The following METTL25 variants were observed in gnomAD, a reference collection of about 807,000 sequenced individuals.
The protein encoded by METTL25 is probable methyltransferase-like protein 25.
Under a neutral mutation model 71.6 loss-of-function variants are expected in METTL25, and 64 were observed. The observed-to-expected ratio is 0.89, with a 90% CI of 0.73 to 1.10. The LOEUF (loss-of-function observed/expected upper bound fraction) is 1.10. METTL25 is among the 50% of genes least tolerant of loss of function. The pLI is 0.00. For missense variants in METTL25, 807 were observed against 707.0 expected, an observed-to-expected ratio of 1.14 and a Z score of -1.60; for synonymous variants, 287 against 250.3, an observed-to-expected ratio of 1.15 and a Z score of -1.38.
Position 82,434,733 on chromosome 12 carries a change from G to C in METTL25, c.1404+9G>C. On this transcript the variant is annotated intron_variant, in intron 7 of 11. Coordinates refer to ENST00000248306, the MANE Select transcript of METTL25 (RefSeq NM_032230.3). The stretch of plus-strand genomic sequence containing the variant: ...TTGCAGCTGGCCAAGGGGTAAGTAA[G>C]AGTGTTAACTGATGAACACGACAGT... The C allele has an allele frequency of 6.2e-7, 1 of 1,608,494 alleles. No homozygotes were observed. Among genetic ancestry groups the C allele is most frequent in the African/African-American group, 1.3e-5 (1 of 74,658 alleles).
At chr12:82,470,010 A>T (rs1487886468) in intron 9 of METTL25, among the ~76,000 whole-genome samples, 2 of 152,156 alleles carry the variant, frequency 1.3e-5, no homozygotes, top group East Asian at 1.9e-4. Flanking sequence ...CTCCAACATG[A>T]ACGCTTTAGA....
intron 1 of METTL25, among the ~76,000 whole-genome samples, chr12:82,365,364 A>G (rs1304742022): frequency 6.6e-6 from 1 of 152,230 alleles, no homozygotes; most frequent in Non-Finnish European, 1.5e-5. Flanking sequence ...GGGAATTTGG[A>G]CATAAAATCA....
chr12:82,445,390 A>C (rs1482405518), intron 8 of METTL25, among the ~76,000 whole-genome samples: 1 of 152,078 alleles, frequency 6.6e-6, no homozygotes, highest in Non-Finnish European at 1.5e-5. Flanking sequence ...ATGAAATATT[A>C]AATTATAACC....
chr12:82,387,337 TG>T (rs1484439370), intron 2 of METTL25, among the ~76,000 whole-genome samples: 2 of 151,726 alleles, frequency 1.3e-5, no homozygotes, highest in African/African-American at 4.8e-5. Context: ...AGGGGACATT[TG>T]GGGATGTGGG....
chr12:82,378,532 T>C (rs1884112776), intron 1 of METTL25, among the ~76,000 whole-genome samples: 1 of 152,210 alleles, frequency 6.6e-6, no homozygotes, highest in Non-Finnish European at 1.5e-5. Context: ...TTTGTGTTAA[T>C]GTTGAAAGGG....
At chr12:82,413,862 A>C (rs1887748271) in intron 5 of METTL25, among the ~76,000 whole-genome samples, 1 of 151,870 alleles carries the variant, frequency 6.6e-6, no homozygotes, top group Admixed American at 6.6e-5. Flanking sequence ...GATAATAAGA[A>C]ATTTTTGAAA....
chr12:82,421,996 G>A (rs1888552822), intron 5 of METTL25, among the ~76,000 whole-genome samples: 1 of 152,148 alleles, frequency 6.6e-6, no homozygotes, highest in Non-Finnish European at 1.5e-5. Flanking sequence ...CATTCCTTCT[G>A]AAACTATTCC....
chr12:82,446,348 T>G (rs536620836), intron 8 of METTL25, among the ~76,000 whole-genome samples: 10 of 152,290 alleles, frequency 6.6e-5, no homozygotes, highest in Middle Eastern at 3.4e-3. Context: ...ACAGGACATT[T>G]CATCCAATTG....
intron 5 of METTL25, among the ~76,000 whole-genome samples, chr12:82,418,833 CT>C (rs1252075520): frequency 6.6e-6 from 1 of 152,020 alleles, no homozygotes; most frequent in Non-Finnish European, 1.5e-5. Flanking sequence ...GTCACTGACA[CT>C]TTTTGTGGAA....
chr12:82,434,720 A>G lies in METTL25; in HGVS notation c.1400A>G (p.Gln467Arg), dbSNP rs1889789127. ...GCATTGGAGCGGGTTGCAGCTGGCC[A>G]AGGGGTAAGTAAGAGTGTTAACTGA... Reference protein sequence around the residue: ...CLALERVAAGQGLPTESLFYR... With the variant: ...CLALERVAAGRGLPTESLFYR... Residue 467 changes from glutamine (Q) to arginine (R), a missense_variant, in exon 7 of 12, where the codon CAA becomes CGA. Physicochemically the swap from Gln to Arg is conservative, Grantham distance 43 (BLOSUM62 1). Transcript: ENST00000248306. 1.2e-6 allele frequency: 2 copies of G among 1,609,360 alleles called. No individual in the cohort carries two copies. The highest frequency in any genetic ancestry group is 1.7e-6 in the Non-Finnish European group (2 of 1,176,806).
intron 1 of METTL25, among the ~76,000 whole-genome samples, chr12:82,366,103 A>T (rs571947705): frequency 1.2e-4 from 19 of 152,150 alleles, no homozygotes; most frequent in South Asian, 6.2e-4. Context: ...AAAAAATTTT[A>T]AAAAAAAGAA....
At chr12:82,362,529 A>G (rs552641380) in intron 1 of METTL25, among the ~76,000 whole-genome samples, 2 of 152,230 alleles carry the variant, frequency 1.3e-5, no homozygotes, top group Non-Finnish European at 2.9e-5. Context: ...TTTTAAACAC[A>G]GCTGAGCAGT....
chr12:82,455,305 C>T (rs939517365), intron 8 of METTL25, among the ~76,000 whole-genome samples: 2 of 151,632 alleles, frequency 1.3e-5, no homozygotes, highest in Admixed American at 6.6e-5. Context: ...TCTGTTACAC[C>T]TAAGATGTAT....
intron 3 of METTL25, among the ~76,000 whole-genome samples, chr12:82,395,746 A>G (rs551968792): frequency 6.6e-6 from 1 of 151,810 alleles, no homozygotes; most frequent in Non-Finnish European, 1.5e-5. Context: ...TGGACTAGAG[A>G]CTCCTCTGTC....
At chr12:82,389,022 C>G (rs534338095) in intron 2 of METTL25, 1 of 152,256 alleles carries the variant, frequency 6.6e-6, no homozygotes, top group African/African-American at 2.4e-5. Context: ...GATATGAACA[C>G]TGTCGTGCCA....
intron 5 of METTL25, chr12:82,407,706 C>T: frequency 2.1e-6 from 1 of 478,868 alleles, no homozygotes; most frequent in Non-Finnish European, 2.7e-6. Flanking sequence ...AACGTGAGTA[C>T]CCTCAAATAC....
chr12:82,450,858 T>A (rs957388523), intron 8 of METTL25, among the ~76,000 whole-genome samples: 1 of 152,172 alleles, frequency 6.6e-6, no homozygotes, highest in Non-Finnish European at 1.5e-5. Context: ...TTTCTTCAGG[T>A]CTTTTATTCA....
chr12:82,473,111 C>T (rs1234590191), intron 9 of METTL25, among the ~76,000 whole-genome samples: 3 of 152,012 alleles, frequency 2.0e-5, no homozygotes, highest in Admixed American at 6.6e-5. Flanking sequence ...ATGAGTGTCT[C>T]GGTGGCCTAG....
chr12:82,454,249 CCAGAA>C (rs1891334529), intron 8 of METTL25, among the ~76,000 whole-genome samples: 1 of 151,870 alleles, frequency 6.6e-6, no homozygotes, highest in African/African-American at 2.4e-5. Context: ...TTCTGGAGGG[CCAGAA>C]AAGGCTTAAC....
Sources: gnomAD v4.1 joint callset for allele counts (sites outside exome capture counted in the v4.1 genomes callset) on GRCh38, gnomAD v4.1.1 for gene constraint, MANE v1.5 for transcripts, NCBI Gene and HGNC (gene_info 2026-07-23, HGNC 2026-07-21) for gene names.